Variants in ADAMTS6 observed in about 807,000 individuals in gnomAD.
ADAMTS6 encodes the protein A disintegrin and metalloproteinase with thrombospondin motifs 6.
In ADAMTS6, 23 loss-of-function variants were observed where a neutral mutation model predicts 144.3. That is an observed-to-expected ratio of 0.16 (90% CI 0.11 to 0.23). The LOEUF is 0.23. ADAMTS6 is among the 10% of genes least tolerant of loss of function. ADAMTS6 has a pLI of 1.00. For synonymous variants in ADAMTS6, 444 were observed against 457.5 expected (o/e 0.97, Z 0.38); for missense variants, 999 against 1,379.6 (o/e 0.72, Z 4.37).
At chr5:65,422,974 A>G (rs1202484427) in intron 7 of ADAMTS6, among the ~76,000 whole-genome samples, 1 of 152,234 alleles carries the variant, frequency 6.6e-6, no homozygotes, top group Non-Finnish European at 1.5e-5. Flanking sequence ...ACACGCTGGA[A>G]TACTATTCAG....
At chr5:65,227,775 T>C (rs1757836696) in intron 15 of ADAMTS6, among the ~76,000 whole-genome samples, 1 of 152,182 alleles carries the variant, frequency 6.6e-6, no homozygotes. Context: ...CAAGAGAAGA[T>C]GAAAACTTAA....
At chr5:65,203,132 T>G (rs1368116833) in intron 20 of ADAMTS6, among the ~76,000 whole-genome samples, 1 of 152,160 alleles carries the variant, frequency 6.6e-6, no homozygotes, top group African/African-American at 2.4e-5. Context: ...CAGTGCGAGG[T>G]ACATGTCAAA....
chr5:65,338,763 A>C (rs931048970), intron 7 of ADAMTS6, among the ~76,000 whole-genome samples: 5 of 152,198 alleles, frequency 3.3e-5, no homozygotes, highest in African/African-American at 1.2e-4. Context: ...CCCAGGCCTA[A>C]GAAACAGCCG....
intron 7 of ADAMTS6, among the ~76,000 whole-genome samples, chr5:65,389,884 C>G (rs565030839): frequency 6.6e-6 from 1 of 151,960 alleles, no homozygotes; most frequent in Non-Finnish European, 1.5e-5. Context: ...TAAAGAGAAA[C>G]CTTTAATGGC....
chr5:65,199,368 T>C (rs1755592191), intron 20 of ADAMTS6, among the ~76,000 whole-genome samples: 1 of 152,222 alleles, frequency 6.6e-6, no homozygotes, highest in Non-Finnish European at 1.5e-5. Context: ...TGTTTGGCTA[T>C]AATTACATTT....
rs1029123862 is a variant in ADAMTS6 at position 65,452,819 on chromosome 5, C to T, written c.731G>A (p.Arg244Lys). The T allele has an allele frequency of 6.8e-6, 11 of 1,614,138 alleles. No individual in the cohort carries two copies. The highest frequency in any genetic ancestry group is 9.3e-6 in the Non-Finnish European group (11 of 1,179,978). Residue 244 changes from arginine (R) to lysine (K), a missense_variant, in exon 5 of 25, where the codon AGA becomes AAA. Physicochemically the swap from Arg to Lys is conservative, Grantham distance 26. Around this residue, in one of 3 missense-constraint regions of ADAMTS6, gnomAD observed 252 missense variants for 293.7 expected, o/e 0.86. Coordinates refer to ENST00000381055, the MANE Select transcript of ADAMTS6 (RefSeq NM_197941.4). ...CACAAACCGTTCAATGCTCACTGAT[C>T]TCTTCTGTCTGTGGTGGATATGTGT... ...NNTHIHHRQK[R>K]SVSIERFVET...
chr5:65,182,453 A>G (rs902213121), intron 22 of ADAMTS6, among the ~76,000 whole-genome samples: 1 of 151,730 alleles, frequency 6.6e-6, no homozygotes, highest in Admixed American at 6.6e-5. Context: ...CAAAAAAAAA[A>G]AAAAAAAAAA....
At chr5:65,380,363 G>C (rs1362422728) in intron 7 of ADAMTS6, among the ~76,000 whole-genome samples, 1 of 152,180 alleles carries the variant, frequency 6.6e-6, no homozygotes, top group Admixed American at 6.5e-5. Flanking sequence ...CTCGAGGTCA[G>C]TATTTTGAGG....
intron 9 of ADAMTS6, among the ~76,000 whole-genome samples, chr5:65,303,090 T>C (rs899664387): frequency 9.9e-5 from 15 of 152,156 alleles, no homozygotes; most frequent in African/African-American, 2.9e-4. Context: ...CTTTTGATGG[T>C]TGATTTTAAT....
intron 7 of ADAMTS6, among the ~76,000 whole-genome samples, chr5:65,337,370 CT>C (rs1326744471): frequency 2.0e-5 from 3 of 151,726 alleles, no homozygotes; most frequent in Non-Finnish European, 4.4e-5. Context: ...CATATTTTAC[CT>C]TTTTCAATTT....
intron 22 of ADAMTS6, among the ~76,000 whole-genome samples, chr5:65,182,525 G>A (rs1258562112): frequency 1.3e-5 from 2 of 151,108 alleles, no homozygotes; most frequent in Non-Finnish European, 2.9e-5. Flanking sequence ...CTAAATCCTT[G>A]GCATGTAATA....
At chr5:65,469,095 A>G (rs992900380) in intron 3 of ADAMTS6, among the ~76,000 whole-genome samples, 12 of 152,170 alleles carry the variant, frequency 7.9e-5, no homozygotes. Flanking sequence ...GTTCAATTCT[A>G]TTTCAATTTT....
chr5:65,451,344 T>C, intron 7 of ADAMTS6, 131 bp downstream of exon 7: 1 of 891,870 alleles, frequency 1.1e-6, no homozygotes, highest in African/African-American at 1.7e-5. Context: ...TCTTTCTCAG[T>C]AGTGAAAAAT....
intron 11 of ADAMTS6, among the ~76,000 whole-genome samples, chr5:65,283,415 A>G (rs1763133042): frequency 6.6e-6 from 1 of 152,072 alleles, no homozygotes; most frequent in African/African-American, 2.4e-5. Context: ...TTATATAACT[A>G]ATCACCAACT....
At chr5:65,342,522 G>A (rs754982388) in intron 7 of ADAMTS6, among the ~76,000 whole-genome samples, 40 of 152,004 alleles carry the variant, frequency 2.6e-4, no homozygotes, top group Non-Finnish European at 5.1e-4. Context: ...TTTGGGTGGG[G>A]ACACAGCTAA....
At chr5:65,305,509 GA>G (rs1743855122) in intron 9 of ADAMTS6, among the ~76,000 whole-genome samples, 1 of 151,998 alleles carries the variant, frequency 6.6e-6, no homozygotes, top group African/African-American at 2.4e-5. Context: ...AGAGAGAAAA[GA>G]AAACTAATTC....
At chr5:65,408,627 C>T (rs1383522796) in intron 7 of ADAMTS6, among the ~76,000 whole-genome samples, 1 of 152,172 alleles carries the variant, frequency 6.6e-6, no homozygotes. Context: ...AGGACTTGAA[C>T]TCAGCTCTGC....
chr5:65,400,792 T>C (rs1190902054), intron 7 of ADAMTS6, among the ~76,000 whole-genome samples: 5 of 152,304 alleles, frequency 3.3e-5, no homozygotes, highest in Admixed American at 2.0e-4. Flanking sequence ...TAATATATCC[T>C]CTAGCTCAGA....
chr5:65,411,651 A>G (rs1397032860), intron 7 of ADAMTS6, among the ~76,000 whole-genome samples: 1 of 152,186 alleles, frequency 6.6e-6, no homozygotes, highest in Non-Finnish European at 1.5e-5. Context: ...ATAAGTTAAA[A>G]CATGCTGCAT....
Sources: gnomAD v4.1 joint callset for allele counts (sites outside exome capture counted in the v4.1 genomes callset) on GRCh38, gnomAD v4.1.1 for gene constraint, gnomAD v4.1.1 regional missense constraint, MANE v1.5 for transcripts, NCBI Gene and HGNC (gene_info 2026-07-23, HGNC 2026-07-21) for gene names.